Variants in DACH2 observed in about 807,000 individuals in gnomAD.
DACH2 encodes dachshund family transcription factor 2.
Under a neutral mutation model 35.8 loss-of-function variants are expected in DACH2, and 17 were observed. The ratio of observed to expected loss-of-function variants is 0.48; its 90% confidence interval spans 0.33 to 0.71. The LOEUF is 0.71. DACH2 is among the 30% of genes least tolerant of loss of function. The pLI is 0.02. For missense variants in DACH2, 469 were observed against 472.7 expected (o/e 0.99, Z 0.07); for synonymous variants, 195 against 177.3 (o/e 1.10, Z -0.79).
chrX:86,523,765 A>G (rs1010288045), intron 3 of DACH2, among the ~76,000 whole-genome samples: 2 of 110,690 alleles, frequency 1.8e-5, no homozygotes, highest in African/African-American at 6.6e-5. Context: ...GCTGAAAAAA[A>G]TCTCCAAAAA....
At chrX:86,633,904 G>A (rs138501216) in intron 3 of DACH2, among the ~76,000 whole-genome samples, 26 of 111,958 alleles carry the variant, frequency 2.3e-4, no homozygotes, top group Non-Finnish European at 1.5e-4. Flanking sequence ...GCAGAAAAAC[G>A]CATTTGATAA....
chrX:86,533,291 T>G (rs1183725717), intron 3 of DACH2, among the ~76,000 whole-genome samples: 1 of 112,169 alleles, frequency 8.9e-6, no homozygotes, highest in Non-Finnish European at 1.9e-5. Context: ...CAAATTATTT[T>G]ACATTTATTT....
intron 1 of DACH2, among the ~76,000 whole-genome samples, chrX:86,273,572 A>G (rs1262874437): frequency 8.9e-6 from 1 of 112,292 alleles, no homozygotes; most frequent in Non-Finnish European, 1.9e-5. Flanking sequence ...ATTCCATCAG[A>G]CAAAATGAAA....
intron 7 of DACH2, among the ~76,000 whole-genome samples, chrX:86,756,925 G>A (rs901294471): frequency 9.0e-6 from 1 of 110,720 alleles, no homozygotes; most frequent in Non-Finnish European, 1.9e-5. Context: ...TTTTTTAAGA[G>A]TATTTATTAT....
rs190615584 is a variant in DACH2, at chrX:86,269,076, T to C, written c.489-107748T>C. Among the ~76,000 whole-genome samples the C allele has an allele frequency of 1.5e-4, 17 of 110,908 alleles. No homozygotes were observed. In the East Asian group the frequency reaches 4.3e-3, roughly 28 times the overall value. ...GCTATCAAATACTAGATGTTATTCA[T>C]TCTTTCTAACTATTTTTTTGTACCT... is the stretch of plus-strand genomic sequence containing the variant. On this transcript the variant is annotated intron_variant, in intron 1 of 11. Coordinates refer to ENST00000373125, the MANE Select transcript of DACH2 (RefSeq NM_053281.3).
chrX:86,578,005 G>T (rs190028028), intron 3 of DACH2, among the ~76,000 whole-genome samples: 1 of 111,778 alleles, frequency 8.9e-6, no homozygotes. Flanking sequence ...GAATTTACAT[G>T]AGTTCTATGA....
intron 1 of DACH2, among the ~76,000 whole-genome samples, chrX:86,175,559 G>A (rs242858): frequency 0.52 from 57,510 of 110,315 alleles, 12,861 homozygotes; most frequent in African/African-American, 0.86. Context: ...TTTTATCATG[G>A]TGGAAGACAT....
chrX:86,205,857 C>T (rs745741664), intron 1 of DACH2, among the ~76,000 whole-genome samples: 3 of 110,190 alleles, frequency 2.7e-5, no homozygotes, highest in South Asian at 3.9e-4. Context: ...ATGAGCCACC[C>T]GTCCCAGCCT....
At chrX:86,502,541 A>G (rs886511502) in intron 2 of DACH2, among the ~76,000 whole-genome samples, 1 of 112,489 alleles carries the variant, frequency 8.9e-6, no homozygotes, top group South Asian at 3.7e-4. Flanking sequence ...ATTATGTAAT[A>G]GGAACATGTT....
At chrX:86,235,533 T>G (rs1432004017) in intron 1 of DACH2, among the ~76,000 whole-genome samples, 3 of 112,359 alleles carry the variant, frequency 2.7e-5, no homozygotes, top group Non-Finnish European at 5.6e-5. Context: ...CTGCTAACTT[T>G]GGAGCTAATA....
intron 6 of DACH2, among the ~76,000 whole-genome samples, chrX:86,731,625 G>A (rs1053031811): frequency 8.9e-6 from 1 of 111,779 alleles, no homozygotes; most frequent in Non-Finnish European, 1.9e-5. Flanking sequence ...AAATTGGAAG[G>A]GAGTTTAGCT....
chrX:86,233,147 T>C (rs776210833), intron 1 of DACH2, among the ~76,000 whole-genome samples: 2 of 111,191 alleles, frequency 1.8e-5, no homozygotes, highest in Non-Finnish European at 3.8e-5. Flanking sequence ...GATGAGAACA[T>C]GTGGACACAT....
intron 4 of DACH2, among the ~76,000 whole-genome samples, chrX:86,667,519 A>AAGAT (rs2040698019): frequency 1.7e-5 from 1 of 59,693 alleles, no homozygotes; most frequent in East Asian, 6.3e-4. Flanking sequence ...GAAAGAAAGA[A>AAGAT]AGAAAGAAAG....
At chrX:86,286,113 CT>C (rs1485245881) in intron 1 of DACH2, among the ~76,000 whole-genome samples, 3 of 67,383 alleles carry the variant, frequency 4.5e-5, no homozygotes, top group Admixed American at 1.9e-4. Flanking sequence ...TTCAGCCAGT[CT>C]GTTTTTTTTT....
At chrX:86,377,577 A>T (rs1029221231) in intron 2 of DACH2, among the ~76,000 whole-genome samples, 1 of 110,126 alleles carries the variant, frequency 9.1e-6, no homozygotes, top group African/African-American at 3.3e-5. Flanking sequence ...AAGGAGGGGA[A>T]CCCATGATCC....
intron 2 of DACH2, among the ~76,000 whole-genome samples, chrX:86,496,329 G>A (rs185969786): frequency 9.2e-6 from 1 of 108,906 alleles, no homozygotes; most frequent in African/African-American, 3.3e-5. Context: ...GTTTTTCTTG[G>A]GCTAGTATAA....
At chrX:86,598,807 T>G (rs766647164) in intron 3 of DACH2, among the ~76,000 whole-genome samples, 2 of 110,260 alleles carry the variant, frequency 1.8e-5, no homozygotes, top group South Asian at 7.8e-4. Flanking sequence ...TCTTTTTTTT[T>G]TTTGTGTTTA....
chrX:86,304,715 G>C (rs1286827918), intron 1 of DACH2: 1 of 167,051 alleles, frequency 6.0e-6, no homozygotes. Context: ...TTAGCCTAAA[G>C]AGGAGGAGAT....
At chrX:86,596,739 C>A in intron 3 of DACH2, among the ~76,000 whole-genome samples, 1 of 111,201 alleles carries the variant, frequency 9.0e-6, no homozygotes, top group East Asian at 2.8e-4. Context: ...TCCAATTTAT[C>A]TATTTTTCCT....
Sources: gnomAD v4.1 joint callset for allele counts (sites outside exome capture counted in the v4.1 genomes callset) on GRCh38, gnomAD v4.1.1 for gene constraint, MANE v1.5 for transcripts, NCBI Gene and HGNC (gene_info 2026-07-23, HGNC 2026-07-21) for gene names.